The following SHROOM3 variants were observed in gnomAD, a reference collection of about 807,000 sequenced individuals.
SHROOM3 encodes shroom family member 3, also known as protein Shroom3.
A neutral mutation model predicts 138.6 loss-of-function variants in SHROOM3; 47 were observed. The ratio of observed to expected loss-of-function variants is 0.34; its 90% CI spans 0.27 to 0.43. The LOEUF is 0.43. Among genes scored for constraint, SHROOM3 ranks in the 20% least tolerant of loss-of-function variants. The pLI is 1.00. For missense variants in SHROOM3, 2,491 were observed against 2,596.5 expected, an observed-to-expected ratio of 0.96 and a Z score of 0.88; for synonymous variants, 1,062 against 1,063.3, an observed-to-expected ratio of 1.00 and a Z score of 0.02.
chr4:76,448,197 G>A (rs930053235), intron 1 of SHROOM3, among the ~76,000 whole-genome samples: 1 of 152,056 alleles, frequency 6.6e-6, no homozygotes, highest in Admixed American at 6.6e-5. Context: ...TTTCATAAAA[G>A]ATGGAGCCAA....
At chr4:76,651,391 G>T (rs1344137474) in intron 2 of SHROOM3, among the ~76,000 whole-genome samples, 1 of 101,996 alleles carries the variant, frequency 9.8e-6, no homozygotes, top group Admixed American at 1.2e-4. Context: ...CACATCTCAT[G>T]TAACCCATAA....
At chr4:76,622,647 T>C (rs1337429944) in intron 2 of SHROOM3, among the ~76,000 whole-genome samples, 1 of 152,170 alleles carries the variant, frequency 6.6e-6, no homozygotes, top group Non-Finnish European at 1.5e-5. Flanking sequence ...TTGGAAGGCA[T>C]ATTTTTTCCT....
chr4:76,586,184 C>T, intron 2 of SHROOM3: 1 of 930,420 alleles, frequency 1.1e-6, no homozygotes, highest in African/African-American at 1.8e-5. Flanking sequence ...CGGCGATTGG[C>T]CGGGAGGAGG....
intron 1 of SHROOM3, among the ~76,000 whole-genome samples, chr4:76,542,371 T>C (rs1733122695): frequency 6.6e-6 from 1 of 152,330 alleles, no homozygotes. Context: ...TCCTAGTCCA[T>C]GTGACTATGT....
chr4:76,670,813 C>T (rs1331598291), intron 2 of SHROOM3, among the ~76,000 whole-genome samples: 1 of 151,990 alleles, frequency 6.6e-6, no homozygotes, highest in East Asian at 1.9e-4. Flanking sequence ...ATTAGCCGGG[C>T]ATGGTGGTGC....
At chr4:76,493,224 C>CAAAAAAAA (rs35837765) in intron 1 of SHROOM3, among the ~76,000 whole-genome samples, 4 of 56,520 alleles carry the variant, frequency 7.1e-5, no homozygotes, top group African/African-American at 1.7e-4. Context: ...AACTCCATCT[C>CAAAAAAAA]AAAAAAAAAA....
intron 1 of SHROOM3, among the ~76,000 whole-genome samples, chr4:76,480,008 A>C (rs1018283039): frequency 6.6e-6 from 1 of 152,232 alleles, no homozygotes; most frequent in African/African-American, 2.4e-5. Context: ...ACCCAGTACC[A>C]GCCACTGCAA....
chr4:76,657,104 G>A (rs1456065843), intron 2 of SHROOM3, among the ~76,000 whole-genome samples: 1 of 152,106 alleles, frequency 6.6e-6, no homozygotes, highest in Non-Finnish European at 1.5e-5. Context: ...TTGAACCCAA[G>A]AGATGAAGGT....
chr4:76,596,573 TACAGAGAAACAC>T, intron 2 of SHROOM3, among the ~76,000 whole-genome samples: 1 of 125,730 alleles, frequency 8.0e-6, no homozygotes, highest in Non-Finnish European at 1.7e-5. Flanking sequence ...GGTAGATAGG[TACAGAGAAACAC>T]ACACACACAC....
chr4:76,735,161 C>T (rs1055236586), intron 4 of SHROOM3, among the ~76,000 whole-genome samples: 4 of 152,124 alleles, frequency 2.6e-5, no homozygotes, highest in African/African-American at 9.7e-5. Flanking sequence ...CAAGATGCAC[C>T]CCTCTTGAGA....
At chr4:76,445,935 G>C (rs1730796221) in intron 1 of SHROOM3, among the ~76,000 whole-genome samples, 1 of 152,150 alleles carries the variant, frequency 6.6e-6, no homozygotes, top group African/African-American at 2.4e-5. Context: ...TAGTAACTTA[G>C]GGAATGATGC....
intron 2 of SHROOM3, among the ~76,000 whole-genome samples, chr4:76,697,417 AG>A (rs903406722): frequency 7.2e-5 from 11 of 152,260 alleles, no homozygotes; most frequent in African/African-American, 2.4e-4. Context: ...AACACTCCTG[AG>A]GAATTCAATA....
chr4:76,477,090 C>T (rs987787562), intron 1 of SHROOM3, among the ~76,000 whole-genome samples: 3 of 152,164 alleles, frequency 2.0e-5, no homozygotes, highest in Non-Finnish European at 4.4e-5. Context: ...GCCTCAGCCT[C>T]CCAAGTAGCT....
intron 1 of SHROOM3, among the ~76,000 whole-genome samples, chr4:76,454,189 G>A (rs1446380575): frequency 3.9e-5 from 6 of 152,018 alleles, no homozygotes; most frequent in Admixed American, 2.0e-4. Flanking sequence ...GATTATAGGC[G>A]TCAACCACCA....
intron 2 of SHROOM3, among the ~76,000 whole-genome samples, chr4:76,670,298 C>T (rs1003653443): frequency 2.0e-5 from 3 of 152,250 alleles, no homozygotes; most frequent in East Asian, 3.9e-4. Flanking sequence ...ACAACACAGA[C>T]GGACCTCAAA....
At chr4:76,677,055 A>C (rs1247857201) in intron 2 of SHROOM3, among the ~76,000 whole-genome samples, 1 of 152,200 alleles carries the variant, frequency 6.6e-6, no homozygotes, top group African/African-American at 2.4e-5. Context: ...TACAATTTTT[A>C]AAGAAAATTT....
At chr4:76,608,747 A>ATAGCACAG (rs1560563546) in intron 2 of SHROOM3, among the ~76,000 whole-genome samples, 1 of 151,216 alleles carries the variant, frequency 6.6e-6, no homozygotes, top group Non-Finnish European at 1.5e-5. Flanking sequence ...ATAGCATAGC[A>ATAGCACAG]CAGTGTCAGG....
chr4:76,747,113 C>G (rs535824816), intron 5 of SHROOM3, among the ~76,000 whole-genome samples: 6 of 152,054 alleles, frequency 3.9e-5, no homozygotes, highest in Non-Finnish European at 8.8e-5. Context: ...CCACCGCGCC[C>G]GACCAATTTA....
At chr4:76,774,194 T>TA (rs1354882776) in intron 10 of SHROOM3, among the ~76,000 whole-genome samples, 1 of 152,182 alleles carries the variant, frequency 6.6e-6, no homozygotes, top group Non-Finnish European at 1.5e-5. Flanking sequence ...ATGCTCTAGA[T>TA]ATCTGAGACA....
Sources: gnomAD v4.1 joint callset for allele counts (sites outside exome capture counted in the v4.1 genomes callset) on GRCh38, gnomAD v4.1.1 for gene constraint, MANE v1.5 for transcripts, NCBI Gene and HGNC (gene_info 2026-07-23, HGNC 2026-07-21) for gene names.